Variants in THSD7B observed in about 807,000 individuals in gnomAD.
THSD7B encodes thrombospondin type-1 domain-containing protein 7B.
A neutral mutation model predicts 213.6 loss-of-function variants in THSD7B; 138 were observed. The ratio of observed to expected loss-of-function variants is 0.65; its 90% CI spans 0.56 to 0.74. The LOEUF is 0.74. Among genes scored for constraint, THSD7B ranks in the 30% least tolerant of loss-of-function variants. The pLI is 0.00. For synonymous variants in THSD7B, 742 were observed against 687.0 expected (o/e 1.08, Z -1.25); for missense variants, 1,931 against 1,991.5 (o/e 0.97, Z 0.58).
At chr2:137,008,710 G>A (rs1305324740) in intron 2 of THSD7B, among the ~76,000 whole-genome samples, 1 of 152,062 alleles carries the variant, frequency 6.6e-6, no homozygotes, top group East Asian at 1.9e-4. Flanking sequence ...ATCACAATTT[G>A]TGGAACATTT....
chr2:136,944,229 G>A (rs543512798), intron 2 of THSD7B, among the ~76,000 whole-genome samples: 2 of 152,306 alleles, frequency 1.3e-5, no homozygotes, highest in Non-Finnish European at 2.9e-5. Flanking sequence ...TAATTTGATT[G>A]CACTGTGGTC....
chr2:137,049,375 G>A (rs776357936), intron 2 of THSD7B, among the ~76,000 whole-genome samples: 5 of 152,208 alleles, frequency 3.3e-5, no homozygotes, highest in Admixed American at 6.5e-5. Flanking sequence ...TGTGGAAGAC[G>A]TTTAGAATAA....
chr2:137,343,905 A>G lies in THSD7B; in HGVS notation c.2501-61708A>G, dbSNP rs16855777. ...GGACCAGAAATTGCTAACAAGAAGCATTAGAGGTGTGAAGGAAGCACTAAT... is the reference window on the plus strand; with the variant it reads ...GGACCAGAAATTGCTAACAAGAAGCGTTAGAGGTGTGAAGGAAGCACTAAT... On this transcript the variant is annotated intron_variant, in intron 12 of 27. Transcript: ENST00000409968. Among the ~76,000 whole-genome samples, 1,465 of 151,924 alleles carry G rather than the reference A, an allele frequency of 9.6e-3. 21 individuals carry two copies. The highest frequency in any genetic ancestry group is 0.033 in the African/African-American group (1,371 of 41,512).
intron 3 of THSD7B, among the ~76,000 whole-genome samples, chr2:137,072,496 A>G (rs1166894652): frequency 5.3e-5 from 8 of 152,114 alleles, no homozygotes; most frequent in Admixed American, 5.2e-4. Flanking sequence ...GCTTAAGGAG[A>G]TTTTGGGCTG....
At chr2:137,432,584 T>C (rs1193888223) in intron 14 of THSD7B, among the ~76,000 whole-genome samples, 10 of 152,188 alleles carry the variant, frequency 6.6e-5, no homozygotes, top group African/African-American at 2.4e-4. Context: ...TCCTAGGATG[T>C]TTCCATTTGG....
At chr2:136,905,171 T>C (rs545183679) in intron 2 of THSD7B, among the ~76,000 whole-genome samples, 1 of 152,298 alleles carries the variant, frequency 6.6e-6, no homozygotes, top group South Asian at 2.1e-4. Flanking sequence ...AAATAATATA[T>C]CGAGCACTCT....
chr2:136,982,750 A>C (rs994690123), intron 2 of THSD7B, among the ~76,000 whole-genome samples: 2 of 152,154 alleles, frequency 1.3e-5, no homozygotes, highest in African/African-American at 4.8e-5. Flanking sequence ...CTTGGGCTGG[A>C]TACATGGTTC....
At chr2:137,161,313 T>G (rs531395765) in intron 6 of THSD7B, among the ~76,000 whole-genome samples, 1 of 152,294 alleles carries the variant, frequency 6.6e-6, no homozygotes, top group African/African-American at 2.4e-5. Context: ...AAAAAAATAT[T>G]TCCTTTACCA....
At chr2:137,061,180 T>C (rs1331954266) in intron 3 of THSD7B, among the ~76,000 whole-genome samples, 1 of 151,900 alleles carries the variant, frequency 6.6e-6, no homozygotes, top group Non-Finnish European at 1.5e-5. Context: ...CGTTAACTTT[T>C]TATATTAACC....
intron 15 of THSD7B, among the ~76,000 whole-genome samples, chr2:137,478,765 G>A (rs1405798097): frequency 6.6e-6 from 1 of 152,028 alleles, no homozygotes; most frequent in Non-Finnish European, 1.5e-5. Context: ...AATTGTGTTG[G>A]GCACTTTGAC....
chr2:137,215,711 A>C (rs1459076897), intron 7 of THSD7B, among the ~76,000 whole-genome samples: 1 of 152,170 alleles, frequency 6.6e-6, no homozygotes, highest in African/African-American at 2.4e-5. Flanking sequence ...ACATTGGCCA[A>C]GTTTGTTATA....
chr2:137,568,377 A>G lies in THSD7B; in HGVS notation c.3273-4029A>G, dbSNP rs1240115824. The stretch of plus-strand genomic sequence containing the variant: ...TGCATTTCCATTCAGGAACACCCTC[A>G]ATTTAAATATTTTGAAGTCTTTACT... On this transcript the variant is annotated intron_variant, in intron 16 of 27. Transcript: ENST00000409968. 4.6e-5 allele frequency among the ~76,000 whole-genome samples: 7 copies of G among 152,182 alleles called. No homozygotes were observed. The South Asian group carries it at 1.2e-3, about 27-fold the overall frequency.
intron 1 of THSD7B, among the ~76,000 whole-genome samples, chr2:136,855,121 C>T (rs923182960): frequency 7.2e-5 from 11 of 152,048 alleles, no homozygotes; most frequent in African/African-American, 1.9e-4. Flanking sequence ...TAGCCTTACT[C>T]GCGTCTCCTT....
intron 2 of THSD7B, among the ~76,000 whole-genome samples, chr2:136,925,067 G>A (rs1157291084): frequency 6.6e-6 from 1 of 152,136 alleles, no homozygotes; most frequent in African/African-American, 2.4e-5. Flanking sequence ...GAGTTTTTGT[G>A]TGTGTGTGTG....
At chr2:137,357,640 T>C (rs1229704810) in intron 12 of THSD7B, among the ~76,000 whole-genome samples, 1 of 152,190 alleles carries the variant, frequency 6.6e-6, no homozygotes, top group Non-Finnish European at 1.5e-5. Flanking sequence ...GAATTGGTGT[T>C]TGAAAAATAA....
intron 12 of THSD7B, among the ~76,000 whole-genome samples, chr2:137,338,223 G>A (rs1684683921): frequency 6.6e-6 from 1 of 151,992 alleles, no homozygotes; most frequent in Non-Finnish European, 1.5e-5. Flanking sequence ...AGGTAGGCTT[G>A]CTCATATTAC....
intron 14 of THSD7B, among the ~76,000 whole-genome samples, chr2:137,424,849 A>G (rs1687008315): frequency 1.3e-5 from 2 of 152,110 alleles, no homozygotes; most frequent in African/African-American, 2.4e-5. Context: ...AGGGAGGCAG[A>G]TCACAAAGTC....
At chr2:136,816,149 C>A (rs1395732111) in intron 1 of THSD7B, among the ~76,000 whole-genome samples, 1 of 152,166 alleles carries the variant, frequency 6.6e-6, no homozygotes, top group Non-Finnish European at 1.5e-5. Context: ...CCTCCAAGTG[C>A]TGGGATTATA....
At chr2:136,784,225 T>G (rs1681797023) in intron 1 of THSD7B, among the ~76,000 whole-genome samples, 1 of 152,188 alleles carries the variant, frequency 6.6e-6, no homozygotes, top group African/African-American at 2.4e-5. Context: ...TAGCTGAATA[T>G]TAAAGTATTC....
Sources: gnomAD v4.1 joint callset for allele counts (sites outside exome capture counted in the v4.1 genomes callset) on GRCh38, gnomAD v4.1.1 for gene constraint, MANE v1.5 for transcripts, NCBI Gene and HGNC (gene_info 2026-07-23, HGNC 2026-07-21) for gene names.